Variants in GOLGA8B observed in about 807,000 individuals in gnomAD.
GOLGA8B encodes golgin subfamily A member 8B.
A neutral mutation model predicts 15.6 loss-of-function variants in GOLGA8B; 1 was observed. The observed-to-expected ratio is 0.06, with a 90% CI of 0.02 to 0.30. GOLGA8B has a LOEUF of 0.30. GOLGA8B is among the 10% of genes least tolerant of loss of function. GOLGA8B has a pLI of 1.00. For synonymous variants in GOLGA8B, 9 were observed against 80.3 expected (o/e 0.11, Z 4.75); for missense variants, 17 against 201.3 (o/e 0.08, Z 5.54).
chr15:34,526,661 C>T lies in GOLGA8B; in HGVS notation c.*971G>A, dbSNP rs1301261881. ...ATTAAGAAGAATGCCAACCAGCGCC[C>T]TTTCGTGTACTGGGACAGGTAGTCA... On this transcript the variant is annotated 3_prime_UTR_variant, in exon 24 of 24. Transcript: ENST00000683415. 1.3e-5 allele frequency: 2 copies of T among 149,272 alleles called. No individual in the cohort carries two copies. The highest frequency in any genetic ancestry group is 4.9e-5 in the African/African-American group (2 of 40,414). 9.2% of individuals were successfully genotyped at this position (149,272 alleles called of 1,614,324 possible).
At chr15:34,572,967 A>G (rs906257043) in intron 1 of GOLGA8B, among the ~76,000 whole-genome samples, 17 of 152,204 alleles carry the variant, frequency 1.1e-4, no homozygotes, top group Non-Finnish European at 2.1e-4. Flanking sequence ...CAGAGACATC[A>G]AGCCAGGTAC....
intron 23 of GOLGA8B, 22 bp from the exon 24 acceptor site, chr15:34,527,856 G>A: frequency 6.4e-7 from 1 of 1,568,402 alleles, no homozygotes; most frequent in South Asian, 1.2e-5. Context: ...GAGAGGCGGG[G>A]ATCTGAGTGG....
intron 1 of GOLGA8B, among the ~76,000 whole-genome samples, chr15:34,578,858 A>C (rs190068403): frequency 1.3e-5 from 2 of 152,126 alleles, no homozygotes; most frequent in Admixed American, 1.3e-4. Flanking sequence ...TCCTTGAAAC[A>C]CAAAACAACA....
At chr15:34,573,726 A>T (rs1341323792) in intron 1 of GOLGA8B, among the ~76,000 whole-genome samples, 4 of 152,008 alleles carry the variant, frequency 2.6e-5, no homozygotes, top group African/African-American at 9.7e-5. Context: ...TTCCAGCTCA[A>T]CAGAGCAAAT....
intron 1 of GOLGA8B, among the ~76,000 whole-genome samples, chr15:34,562,554 C>T (rs1888649225): frequency 7.7e-6 from 1 of 129,956 alleles, no homozygotes; most frequent in South Asian, 2.5e-4. Context: ...TATTTTGATA[C>T]TCTTTTGTCC....
chr15:34,577,851 C>T (rs1035850159), intron 1 of GOLGA8B, among the ~76,000 whole-genome samples: 1 of 152,142 alleles, frequency 6.6e-6, no homozygotes, highest in African/African-American at 2.4e-5. Context: ...GGAAGTTGCT[C>T]CGGTGAGTCA....
intron 1 of GOLGA8B, among the ~76,000 whole-genome samples, chr15:34,568,328 GCTCT>G (rs1294477479): frequency 1.9e-5 from 2 of 102,656 alleles, no homozygotes; most frequent in African/African-American, 7.7e-5. Context: ...TCTGTCCAGT[GCTCT>G]CTGACATCAC....
intron 1 of GOLGA8B, among the ~76,000 whole-genome samples, chr15:34,582,543 T>C (rs1889268616): frequency 6.6e-6 from 1 of 152,216 alleles, no homozygotes; most frequent in African/African-American, 2.4e-5. Context: ...CAACCACAGA[T>C]TTACGTCTGG....
rs2655326 is a variant in GOLGA8B, at chr15:34,583,610, G to T, written c.-1217C>A. 759 of 152,254 alleles carry T rather than the reference G, an allele frequency of 5.0e-3. 1 individual carries two copies. Among genetic ancestry groups the T allele is most frequent in the Non-Finnish European group, 8.2e-3 (559 of 68,050 alleles). The allele number at this position is 152,254 out of a possible 1,614,324, so 9.4% of individuals were successfully genotyped here. ...GGCTGAGCTCCTTGAGAGCCCGCAC[G>T]TAGCGGCACACCGCGACTGCTAATT... On this transcript the variant is annotated 5_prime_UTR_variant, in exon 1 of 24. Transcript: ENST00000683415.
At chr15:34,578,072 T>C (rs1889131453) in intron 1 of GOLGA8B, among the ~76,000 whole-genome samples, 1 of 152,208 alleles carries the variant, frequency 6.6e-6, no homozygotes, top group African/African-American at 2.4e-5. Context: ...GTATCTCAAC[T>C]GAAAATCCTA....
intron 1 of GOLGA8B, among the ~76,000 whole-genome samples, chr15:34,573,251 A>C (rs191851317): frequency 1.1e-3 from 173 of 152,230 alleles, no homozygotes; most frequent in Non-Finnish European, 1.3e-3. Flanking sequence ...AATTCACCAG[A>C]AGTTAGGCCG....
chr15:34,578,796 C>A (rs570586250), intron 1 of GOLGA8B, among the ~76,000 whole-genome samples: 2 of 152,140 alleles, frequency 1.3e-5, no homozygotes, highest in African/African-American at 4.8e-5. Flanking sequence ...AATATTTCCA[C>A]AGTCACTCAA....
Position 34,527,490 on chromosome 15 carries a change from C to G in GOLGA8B, c.*142G>C. The G allele has an allele frequency of 1.4e-6, 1 of 713,158 alleles. No individual in the cohort carries two copies. Among genetic ancestry groups the G allele is most frequent in the South Asian group, 2.1e-5 (1 of 47,492 alleles). 44.2% of individuals were successfully genotyped at this position (713,158 alleles called of 1,614,324 possible). ...TCTCTTTTAACTTTTTACAAATAAA[C>G]TTAAACTATAAATTAGAAACACAAA... On this transcript the variant is annotated 3_prime_UTR_variant, in exon 24 of 24. Coordinates refer to ENST00000683415, the MANE Select transcript of GOLGA8B (RefSeq NM_001023567.5).
rs1218503719 is a variant in GOLGA8B, at chr15:34,527,342, T to C, written c.*290A>G. On this transcript the variant is annotated 3_prime_UTR_variant, in exon 24 of 24. Transcript: ENST00000683415. The stretch of plus-strand genomic sequence containing the variant: ...GTGCAAAGAGTGGGTCTTTGTGTGT[T>C]TGAACTCCCACCACGTAAGGGCAAA... 9.6e-6 allele frequency: 4 copies of C among 417,704 alleles called. No individual in the cohort carries two copies. Among genetic ancestry groups the C allele is most frequent in the African/African-American group, 4.2e-5 (2 of 47,576 alleles). 25.9% of individuals were successfully genotyped at this position (417,704 alleles called of 1,614,324 possible). A position where few individuals can be genotyped will look rare whatever the true frequency, so the allele number is the denominator to read the frequency against.
chr15:34,572,479 G>A (rs542180286), intron 1 of GOLGA8B, among the ~76,000 whole-genome samples: 9 of 152,216 alleles, frequency 5.9e-5, no homozygotes, highest in Non-Finnish European at 1.0e-4. Context: ...AAAGGACAAG[G>A]GAGCATCTCT....
intron 7 of GOLGA8B, among the ~76,000 whole-genome samples, chr15:34,543,374 G>A (rs1888244261): frequency 6.8e-6 from 1 of 146,976 alleles, no homozygotes; most frequent in South Asian, 2.2e-4. Flanking sequence ...TTTGGTGGTG[G>A]TGGGGTATTT....
At chr15:34,578,697 C>T (rs1889147124) in intron 1 of GOLGA8B, among the ~76,000 whole-genome samples, 1 of 152,164 alleles carries the variant, frequency 6.6e-6, no homozygotes, top group South Asian at 2.1e-4. Context: ...CAGAATTGCC[C>T]GATGATGCGT....
rs184920320 is a variant in GOLGA8B at position 34,564,605 on chromosome 15, G to A, written c.-1122-10649C>T. Among the ~76,000 whole-genome samples, 197 of 146,008 alleles carry A rather than the reference G, an allele frequency of 1.3e-3. 12 individuals carry two copies. Among genetic ancestry groups the A allele is most frequent in the East Asian group, 3.7e-3 (19 of 5,146 alleles). ...AGCTTTGCATTTAAATGCAAATTTC[G>A]GAACAAAGATCTGTGTCTCTGCACT... On this transcript the variant is annotated intron_variant, in intron 1 of 23. Coordinates refer to ENST00000683415, the MANE Select transcript of GOLGA8B (RefSeq NM_001023567.5).
intron 1 of GOLGA8B, among the ~76,000 whole-genome samples, chr15:34,574,331 G>A (rs997791168): frequency 3.4e-5 from 5 of 147,968 alleles, no homozygotes; most frequent in African/African-American, 1.3e-4. Flanking sequence ...AGAGAGAGAA[G>A]TTCTCGCTCT....
Sources: gnomAD v4.1 joint callset for allele counts (sites outside exome capture counted in the v4.1 genomes callset) on GRCh38, gnomAD v4.1.1 for gene constraint, MANE v1.5 for transcripts, NCBI Gene and HGNC (gene_info 2026-07-23, HGNC 2026-07-21) for gene names.